The following IFT172 variants were observed in gnomAD, a reference collection of about 807,000 sequenced individuals.
The protein encoded by IFT172 is intraflagellar transport 172.
IFT172 carries 164 observed loss-of-function variants against 248.9 expected under a neutral mutation model. That is an observed-to-expected ratio of 0.66 (90% CI 0.58 to 0.75). The LOEUF (loss-of-function observed/expected upper bound fraction) is 0.75, where lower values mean the gene tolerates loss of function less well. Ranked by LOEUF, IFT172 falls within the 30% of genes least tolerant of loss-of-function variation. The probability of loss-of-function intolerance (pLI) is 0.00; values close to 1 mark genes in which losing one functional copy is unlikely to be tolerated. For synonymous variants in IFT172, 729 were observed against 791.6 expected (o/e 0.92, Z 1.33); for missense variants, 1,950 against 2,192.4 (o/e 0.89, Z 2.21).
At chr2:27,485,918 A>G (rs1439779753) in intron 1 of IFT172, among the ~76,000 whole-genome samples, 1 of 152,256 alleles carries the variant, frequency 6.6e-6, no homozygotes, top group Admixed American at 6.5e-5. Flanking sequence ...AAAGCAAACC[A>G]TAGATCCTGC....
In IFT172 at chr2:27,462,742, C is replaced by G; in HGVS notation, c.2074G>C (p.Glu692Gln). 6.2e-7 allele frequency: 1 copy of G among 1,614,032 alleles called. No individual in the cohort carries two copies. Among genetic ancestry groups the G allele is most frequent in the African/African-American group, 1.3e-5 (1 of 75,008 alleles). ...ATTTCAGCCAGTTTGTAGTTCTTTT[C>G]CAGCATGGCTAGACGTGCTCGGACC... is the stretch of plus-strand genomic sequence containing the variant. ...YQVRARLAML[E>Q]KNYKLAEMIF... is the part of the protein sequence containing the mutation. The change falls in exon 20 of 48, where the codon GAA becomes CAA. Residue 692 changes from glutamate (E) to glutamine (Q), a missense_variant. Transcript: ENST00000260570.
At position 27,452,086 on chromosome 2, in the gene IFT172, A is replaced by G. The variant is rs532886277; in HGVS notation, c.3951+1298T>C. 1.4e-4 allele frequency among the ~76,000 whole-genome samples: 21 copies of G among 152,192 alleles called. No individual in the cohort carries two copies. In the South Asian group the frequency reaches 3.9e-3, roughly 29 times the overall value. ...GTCAAACATTATTCTGGGTGTTTCT[A>G]TAAGTGTTTTTGGATGAGGTTAACA... On this transcript the variant is annotated intron_variant, in intron 35 of 47. Transcript: ENST00000260570.
intron 14 of IFT172, among the ~76,000 whole-genome samples, chr2:27,473,589 C>T (rs1226355114): frequency 1.3e-5 from 2 of 151,316 alleles, no homozygotes; most frequent in Non-Finnish European, 1.5e-5. Context: ...GGATTACAGG[C>T]GTGAGCCACT....
At position 27,483,305 on chromosome 2, in the gene IFT172, C is replaced by T. The variant is rs375455647; in HGVS notation, c.554G>A (p.Gly185Asp). The T allele has an allele frequency of 3.1e-6, 5 of 1,591,628 alleles. No homozygotes were observed. Among genetic ancestry groups the T allele is most frequent in the Non-Finnish European group, 1.7e-6 (2 of 1,159,626 alleles). ...TIVRYFFDDE[G>D]SGESQGKLVN... ...TATTCATACCTGTGACTCTCCAGAG[C>T]CTTCATCATCAAAGAAATACCTAAC... Residue 185 changes from glycine (G) to aspartate (D), a missense_variant, in exon 7 of 48, where the codon GGC becomes GAC. Gly to Asp is a moderately conservative substitution (Grantham distance 94). Around this residue, in one of 3 missense-constraint regions of IFT172, gnomAD observed 1,166 missense variants for 1,254.1 expected, o/e 0.93. Transcript: ENST00000260570.
At chr2:27,457,042 C>A (rs1344619258) in intron 29 of IFT172, among the ~76,000 whole-genome samples, 1 of 151,874 alleles carries the variant, frequency 6.6e-6, no homozygotes, top group African/African-American at 2.4e-5. Flanking sequence ...GAAACTCCAT[C>A]TCAAAAAATA....
At chr2:27,458,991 A>G in intron 25 of IFT172, 123 bp from the exon 26 acceptor site, 1 of 957,910 alleles carries the variant, frequency 1.0e-6, no homozygotes, top group Non-Finnish European at 1.5e-6. Context: ...GTAATAATAG[A>G]GAAGAAAAGA....
intron 30 of IFT172, among the ~76,000 whole-genome samples, chr2:27,456,273 A>G (rs1220480216): frequency 6.6e-6 from 1 of 151,966 alleles, no homozygotes; most frequent in Non-Finnish European, 1.5e-5. Context: ...GGAGTAAGTT[A>G]TTGGTTTAGT....
At chr2:27,451,420 C>T (rs1665662793) in intron 35 of IFT172, among the ~76,000 whole-genome samples, 1 of 152,070 alleles carries the variant, frequency 6.6e-6, no homozygotes, top group South Asian at 2.1e-4. Context: ...AATCATCAGC[C>T]CCTCTCTTTC....
chr2:27,449,171 T>G (rs1665431126), intron 39 of IFT172, 123 bp downstream of exon 39: 1 of 1,287,740 alleles, frequency 7.8e-7, no homozygotes, highest in Admixed American at 1.7e-5. Flanking sequence ...TGAGCTTCTC[T>G]GATGCCCATT....
Position 27,449,743 on chromosome 2 carries a change from C to T in IFT172, c.4108G>A (p.Glu1370Lys), listed in dbSNP as rs779981992. Reference protein sequence around the residue: ...LVKEAIDAFIEGEEWNKAKRV... With the variant: ...LVKEAIDAFIKGEEWNKAKRV... ...TTCGCCTTGTTCCACTCCTCACCCT[C>T]GATGAAAGCATCGATTGCTTCCTTG... is the stretch of plus-strand genomic sequence containing the variant. Residue 1370 changes from glutamate (E) to lysine (K), a missense_variant, in exon 37 of 48, where the codon GAG becomes AAG. Glu to Lys is a moderately conservative substitution (Grantham distance 56). Transcript: ENST00000260570. 1.4e-5 allele frequency: 23 copies of T among 1,614,000 alleles called. No homozygotes were observed. In the East Asian group the frequency reaches 2.9e-4, roughly 20 times the overall value.
At chr2:27,451,163 C>G (rs184637888) in intron 35 of IFT172, among the ~76,000 whole-genome samples, 1 of 152,206 alleles carries the variant, frequency 6.6e-6, no homozygotes, top group Admixed American at 6.5e-5. Flanking sequence ...GACATCCTTA[C>G]CAGATTTCAA....
intron 30 of IFT172, chr2:27,455,955 T>TGTA (rs1466889163): frequency 1.5e-5 from 4 of 265,076 alleles, no homozygotes; most frequent in Non-Finnish European, 7.3e-6. Context: ...GGCTCACGCC[T>TGTA]GTAATCTCAG....
intron 14 of IFT172, among the ~76,000 whole-genome samples, chr2:27,473,030 A>G (rs533639487): frequency 6.6e-6 from 1 of 152,278 alleles, no homozygotes; most frequent in African/African-American, 2.4e-5. Flanking sequence ...ACTGGTGTCC[A>G]TAATTGTGAA....
At chr2:27,456,891 A>G (rs544347820) in intron 29 of IFT172, among the ~76,000 whole-genome samples, 1 of 152,176 alleles carries the variant, frequency 6.6e-6, no homozygotes, top group African/African-American at 2.4e-5. Context: ...CTAAAAATAC[A>G]AAAATTAGCT....
At chr2:27,482,531 C>T (rs1306978016) in intron 7 of IFT172, among the ~76,000 whole-genome samples, 2 of 152,096 alleles carry the variant, frequency 1.3e-5, no homozygotes, top group East Asian at 1.9e-4. Flanking sequence ...GTGATCCACC[C>T]GCCTCGGCCT....
intron 15 of IFT172, chr2:27,471,921 C>A: frequency 2.4e-6 from 1 of 417,286 alleles, no homozygotes; most frequent in South Asian, 6.1e-5. Context: ...GCCTGTAGTC[C>A]CAGCTACTGG....
intron 15 of IFT172, 62 bp from the exon 16 acceptor site, chr2:27,471,157 G>C: frequency 1.3e-6 from 2 of 1,544,220 alleles, no homozygotes; most frequent in Non-Finnish European, 1.8e-6. Context: ...TCCTGCTTTT[G>C]ACCATTTTCC....
chr2:27,481,482 T>C (rs924835359), intron 7 of IFT172, among the ~76,000 whole-genome samples: 6 of 150,742 alleles, frequency 4.0e-5, no homozygotes, highest in Admixed American at 2.0e-4. Flanking sequence ...CCTATACACA[T>C]AGGGGTTGAC....
intron 14 of IFT172, 94 bp from the exon 15 acceptor site, chr2:27,472,456 C>G: frequency 1.1e-6 from 1 of 936,218 alleles, no homozygotes; most frequent in Non-Finnish European, 1.6e-6. Context: ...GCCTAGGAAG[C>G]TAGGTCTCTT....
Sources: allele counts gnomAD v4.1 joint callset (sites outside exome capture counted in the v4.1 genomes callset), GRCh38; gene constraint gnomAD v4.1.1; regional missense constraint gnomAD v4.1.1; transcripts MANE v1.5; gene names NCBI Gene and HGNC (gene_info 2026-07-23, HGNC 2026-07-21).